CNTN3: variants seen among roughly 807,000 people sequenced by gnomAD.
CNTN3 encodes the protein contactin 3, also known as contactin-3.
Under a neutral mutation model 119.1 loss-of-function variants are expected in CNTN3, and 60 were observed. That is an observed-to-expected ratio of 0.50 (90% CI 0.41 to 0.62). The LOEUF (loss-of-function observed/expected upper bound fraction) is 0.62, where lower values mean the gene tolerates loss of function less well. Ranked by LOEUF, CNTN3 falls within the 20% of genes least tolerant of loss-of-function variation. The probability of loss-of-function intolerance (pLI) is 0.00; values close to 1 mark genes in which losing one functional copy is unlikely to be tolerated. For missense variants in CNTN3, 1,101 were observed against 1,242.4 expected (o/e 0.89, Z 1.71); for synonymous variants, 450 against 438.7 (o/e 1.03, Z -0.32).
chr3:74,338,114 T>C (rs1054815753), intron 11 of CNTN3, among the ~76,000 whole-genome samples: 2 of 151,932 alleles, frequency 1.3e-5, no homozygotes, highest in Non-Finnish European at 2.9e-5. Context: ...CATGAGTGAG[T>C]GAAAATGGAT....
intron 1 of CNTN3, among the ~76,000 whole-genome samples, chr3:74,528,878 C>G (rs1703656299): frequency 6.6e-6 from 1 of 151,854 alleles, no homozygotes; most frequent in Admixed American, 6.6e-5. Context: ...TGCAGTAATG[C>G]ACCATCCCTA....
intron 11 of CNTN3, among the ~76,000 whole-genome samples, chr3:74,346,748 TCC>T (rs1185760976): frequency 6.6e-6 from 1 of 150,898 alleles, no homozygotes; most frequent in African/African-American, 2.4e-5. Flanking sequence ...CATCCATCCA[TCC>T]ATCCATCCAT....
rs1704333679 is a variant in CNTN3 at position 74,371,344 on chromosome 3, A to G, written c.510T>C (p.Ser170=). 2.5e-6 allele frequency: 4 copies of G among 1,613,370 alleles called. No individual in the cohort carries two copies. Among genetic ancestry groups the G allele is most frequent in the South Asian group, 1.1e-5 (1 of 91,080 alleles). Residue 170 remains serine, a synonymous_variant, in exon 6 of 23, where the codon AGT becomes AGC. Coordinates refer to ENST00000263665, the MANE Select transcript of CNTN3 (RefSeq NM_020872.3). The part of the protein sequence containing the change: ...NEYPSFVEED[S]RRFVSQETGH... ...CTGTCTCCTGGGAGACAAATCTCCG[A>G]CTATCTTCTTCAACAAACGATGGGT...
intron 20 of CNTN3, among the ~76,000 whole-genome samples, chr3:74,275,719 A>G (rs575591181): frequency 3.6e-4 from 55 of 152,262 alleles, no homozygotes; most frequent in African/African-American, 1.3e-3. Context: ...TTTAAAACAT[A>G]AAAAGCAAAA....
intron 20 of CNTN3, among the ~76,000 whole-genome samples, chr3:74,278,624 C>A (rs1451146845): frequency 6.6e-6 from 1 of 152,152 alleles, no homozygotes; most frequent in Admixed American, 6.5e-5. Flanking sequence ...GGATGAAGGA[C>A]TTAAATCTAA....
intron 1 of CNTN3, among the ~76,000 whole-genome samples, chr3:74,569,971 TG>T (rs1253246008): frequency 6.6e-6 from 1 of 152,096 alleles, no homozygotes; most frequent in Non-Finnish European, 1.5e-5. Context: ...TCTCCTTAGG[TG>T]GTTCACAACA....
chr3:74,309,090 T>C (rs1702624799), intron 13 of CNTN3, among the ~76,000 whole-genome samples: 1 of 151,890 alleles, frequency 6.6e-6, no homozygotes, highest in African/African-American at 2.4e-5. Flanking sequence ...GCCATTTATT[T>C]ATTTATTATT....
intron 4 of CNTN3, among the ~76,000 whole-genome samples, chr3:74,468,609 G>C (rs553923440): frequency 5.3e-5 from 8 of 152,062 alleles, no homozygotes; most frequent in Non-Finnish European, 1.2e-4. Context: ...TTTATTAATG[G>C]CATCAGCTAA....
intron 5 of CNTN3, among the ~76,000 whole-genome samples, chr3:74,401,139 A>G (rs901853544): frequency 1.3e-5 from 2 of 151,740 alleles, no homozygotes; most frequent in Non-Finnish European, 2.9e-5. Context: ...CCTGGCTACT[A>G]TGAAATAAAC....
chr3:74,293,282 T>A (rs1381896468), intron 19 of CNTN3, among the ~76,000 whole-genome samples: 3 of 152,216 alleles, frequency 2.0e-5, no homozygotes, highest in Non-Finnish European at 1.5e-5. Context: ...CTCTATTCCC[T>A]ATCCTTTCTT....
At chr3:74,371,935 G>C (rs935954511) in intron 5 of CNTN3, among the ~76,000 whole-genome samples, 1 of 152,034 alleles carries the variant, frequency 6.6e-6, no homozygotes, top group African/African-American at 2.4e-5. Flanking sequence ...TGTTGTCTCT[G>C]TCCTGTCTTT....
chr3:74,530,335 G>A (rs961341848), intron 1 of CNTN3, among the ~76,000 whole-genome samples: 9 of 152,044 alleles, frequency 5.9e-5, no homozygotes, highest in Admixed American at 5.2e-4. Context: ...AGGAGATCCT[G>A]CAAAACCATT....
At chr3:74,308,793 T>C (rs529398690) in intron 13 of CNTN3, among the ~76,000 whole-genome samples, 1 of 152,280 alleles carries the variant, frequency 6.6e-6, no homozygotes, top group African/African-American at 2.4e-5. Flanking sequence ...TGTTCTATTA[T>C]TACTTAATTT....
chr3:74,423,845 T>C (rs1701653807), intron 5 of CNTN3, among the ~76,000 whole-genome samples: 1 of 152,164 alleles, frequency 6.6e-6, no homozygotes, highest in South Asian at 2.1e-4. Flanking sequence ...GAATTTCAAG[T>C]GGCCAGATCC....
intron 5 of CNTN3, among the ~76,000 whole-genome samples, chr3:74,373,479 A>AT: frequency 6.6e-6 from 1 of 152,332 alleles, no homozygotes; most frequent in South Asian, 2.1e-4. Flanking sequence ...TTAGCAGGGC[A>AT]TTAGGAATAA....
At chr3:74,581,238 T>C (rs551297195) in intron 1 of CNTN3, among the ~76,000 whole-genome samples, 29 of 151,714 alleles carry the variant, frequency 1.9e-4, no homozygotes, top group African/African-American at 7.0e-4. Context: ...ATAAAATCTA[T>C]AAAAGAAAAA....
At chr3:74,355,569 C>T (rs934467504) in intron 11 of CNTN3, among the ~76,000 whole-genome samples, 3 of 152,022 alleles carry the variant, frequency 2.0e-5, no homozygotes, top group Admixed American at 6.5e-5. Flanking sequence ...ATTCTCATGC[C>T]TCAGTCTCCC....
intron 4 of CNTN3, among the ~76,000 whole-genome samples, chr3:74,445,104 T>C (rs1702027712): frequency 6.6e-6 from 1 of 152,344 alleles, no homozygotes; most frequent in Non-Finnish European, 1.5e-5. Context: ...TCTTTCAGTA[T>C]GATTGATGCC....
At chr3:74,407,907 T>C (rs1017561543) in intron 5 of CNTN3, among the ~76,000 whole-genome samples, 1 of 152,202 alleles carries the variant, frequency 6.6e-6, no homozygotes, top group African/African-American at 2.4e-5. Context: ...GTGTTCTCTC[T>C]CCTGTATGAT....
Sources: allele counts gnomAD v4.1 joint callset (sites outside exome capture counted in the v4.1 genomes callset), GRCh38; gene constraint gnomAD v4.1.1; transcripts MANE v1.5; gene names NCBI Gene and HGNC (gene_info 2026-07-23, HGNC 2026-07-21).